Variants in PPP2R1B observed in about 807,000 individuals in gnomAD.
PPP2R1B encodes the protein serine/threonine-protein phosphatase 2A 65 kDa regulatory subunit A beta isoform.
PPP2R1B carries 58 observed loss-of-function variants against 72.7 expected under a neutral mutation model. That is an observed-to-expected ratio of 0.80 (90% CI 0.65 to 0.99). PPP2R1B has a LOEUF of 0.99. PPP2R1B is among the 50% of genes least tolerant of loss of function. PPP2R1B has a pLI of 0.00. For synonymous variants in PPP2R1B, 256 were observed against 264.6 expected (o/e 0.97, Z 0.32); for missense variants, 695 against 733.6 (o/e 0.95, Z 0.61).
chr11:111,727,144 C>G, intron 15 of PPP2R1B: 2 of 1,101,432 alleles, frequency 1.8e-6, no homozygotes, highest in Middle Eastern at 5.6e-4. Flanking sequence ...CAGCTGCCCC[C>G]TCGCCACCTC....
At chr11:111,713,766 A>G in the PPP2R1B span, among the ~76,000 whole-genome samples, 1 of 152,354 alleles carries the variant, frequency 6.6e-6, no homozygotes, top group East Asian at 1.9e-4. Context: ...CAGGAGTTCA[A>G]GACCAGCGTG....
chr11:111,752,974 C>CAAAA (rs1944965956), intron 9 of PPP2R1B, among the ~76,000 whole-genome samples: 1 of 151,502 alleles, frequency 6.6e-6, no homozygotes, highest in South Asian at 2.1e-4. Flanking sequence ...AAAAACAAAA[C>CAAAA]AAACAAACAA....
chr11:111,753,073 T>A (rs556505544), intron 9 of PPP2R1B, among the ~76,000 whole-genome samples: 64 of 152,362 alleles, frequency 4.2e-4, no homozygotes, highest in South Asian at 2.3e-3. Flanking sequence ...CTAAGGCTCA[T>A]GCTTGCCATG....
chr11:111,720,489 T>C, the PPP2R1B span: 3 of 1,599,366 alleles, frequency 1.9e-6, no homozygotes, highest in South Asian at 3.4e-5. Context: ...GAAAATTTTC[T>C]CCATGAATGA....
At chr11:111,721,176 G>A in the PPP2R1B span, 1 of 1,308,906 alleles carries the variant, frequency 7.6e-7, no homozygotes, top group Non-Finnish European at 1.0e-6. Flanking sequence ...CAAACAGGCT[G>A]TTTGGGAAAA....
At chr11:111,706,430 T>C in the PPP2R1B span, among the ~76,000 whole-genome samples, 6 of 152,074 alleles carry the variant, frequency 3.9e-5, no homozygotes, top group East Asian at 1.2e-3. Flanking sequence ...TTGAGATGAA[T>C]GGTTGGTTAG....
chr11:111,702,278 T>G, the PPP2R1B span, among the ~76,000 whole-genome samples: 4 of 152,180 alleles, frequency 2.6e-5, no homozygotes, highest in Admixed American at 6.5e-5. Flanking sequence ...ACGGGTGTTG[T>G]AAGGTTTAAT....
the PPP2R1B span, among the ~76,000 whole-genome samples, chr11:111,711,720 C>T: frequency 1.3e-5 from 2 of 152,198 alleles, no homozygotes; most frequent in Non-Finnish European, 2.9e-5. Flanking sequence ...ACCATCTCAC[C>T]TACACCAAAA....
At chr11:111,752,119 C>T (rs782515577) in intron 10 of PPP2R1B, 40 bp downstream of exon 10, 1 of 1,542,668 alleles carries the variant, frequency 6.5e-7, no homozygotes, top group Non-Finnish European at 8.7e-7. Flanking sequence ...TTGTCACTAT[C>T]TGACACTACC....
chr11:111,756,226 A>AG (rs1738002242), intron 5 of PPP2R1B, among the ~76,000 whole-genome samples: 2 of 150,480 alleles, frequency 1.3e-5, no homozygotes, highest in Admixed American at 1.3e-4. Flanking sequence ...CAAAAAGGAA[A>AG]AAAAAAAAAA....
chr11:111,764,069 C>G (rs781988880), intron 3 of PPP2R1B, among the ~76,000 whole-genome samples: 5 of 152,310 alleles, frequency 3.3e-5, no homozygotes, highest in Non-Finnish European at 7.3e-5. Flanking sequence ...CTCCCAAGGT[C>G]TTCCCTGATC....
At chr11:111,747,216 C>T (rs1021483355) in intron 11 of PPP2R1B, among the ~76,000 whole-genome samples, 1 of 152,246 alleles carries the variant, frequency 6.6e-6, no homozygotes, top group Non-Finnish European at 1.5e-5. Flanking sequence ...TAAGACAACA[C>T]TGAAGCTGTC....
At chr11:111,728,683 C>T (rs1248433823) in intron 15 of PPP2R1B, 1 of 152,238 alleles carries the variant, frequency 6.6e-6, no homozygotes, top group Non-Finnish European at 1.5e-5. Flanking sequence ...AATCCCAACA[C>T]TTTGGGAGGC....
the PPP2R1B span, among the ~76,000 whole-genome samples, chr11:111,713,060 G>A: frequency 3.9e-5 from 6 of 152,198 alleles, no homozygotes; most frequent in African/African-American, 1.4e-4. Flanking sequence ...AGCTACTCAG[G>A]AGGCTGAGGC....
At position 111,739,788 on chromosome 11, in the gene PPP2R1B, T is replaced by A. The variant is rs1472477476; in HGVS notation, c.*1808A>T. The A allele has an allele frequency of 1.4e-5, 14 of 968,970 alleles. No homozygotes were observed. The Admixed American group carries it at 8.0e-4, about 55-fold the overall frequency. The allele number at this position is 968,970 out of a possible 1,614,324, so 60.0% of individuals were successfully genotyped here. On this transcript the variant is annotated 3_prime_UTR_variant, in exon 15 of 15. Coordinates refer to ENST00000527614, the MANE Select transcript of PPP2R1B (RefSeq NM_002716.5). Reference sequence around the variant, plus strand: ...AAGACTCATGAAACTAAAATTAAAATGTTTACAGAATAATAGCATAAGATA... The same window carrying A: ...AAGACTCATGAAACTAAAATTAAAAAGTTTACAGAATAATAGCATAAGATA...
chr11:111,715,320 C>G, the PPP2R1B span, among the ~76,000 whole-genome samples: 18 of 152,200 alleles, frequency 1.2e-4, no homozygotes, highest in Admixed American at 9.8e-4. Flanking sequence ...CACACACACA[C>G]AGAAAAACTT....
chr11:111,732,473 C>T (rs963792409), intron 15 of PPP2R1B, among the ~76,000 whole-genome samples: 4 of 152,160 alleles, frequency 2.6e-5, no homozygotes, highest in South Asian at 2.1e-4. Flanking sequence ...GGTGGATCAT[C>T]TGAGGTCAGG....
At chr11:111,758,566 G>T (rs1164500314) in intron 5 of PPP2R1B, among the ~76,000 whole-genome samples, 1 of 152,114 alleles carries the variant, frequency 6.6e-6, no homozygotes, top group Admixed American at 6.5e-5. Context: ...CTCCAGCCTG[G>T]TGACAGAGTG....
At chr11:111,711,552 G>GT in the PPP2R1B span, among the ~76,000 whole-genome samples, 1 of 152,160 alleles carries the variant, frequency 6.6e-6, no homozygotes, top group East Asian at 1.9e-4. Flanking sequence ...ATAGCTTGCA[G>GT]TAAGCGTAGC....
Sources: gnomAD v4.1 joint callset for allele counts (sites outside exome capture counted in the v4.1 genomes callset) on GRCh38, gnomAD v4.1.1 for gene constraint, MANE v1.5 for transcripts, NCBI Gene and HGNC (gene_info 2026-07-23, HGNC 2026-07-21) for gene names.